Variants in FRMD4A observed in about 807,000 individuals in gnomAD.
FRMD4A encodes the protein FERM domain-containing protein 4A.
A neutral mutation model predicts 129.1 loss-of-function variants in FRMD4A; 29 were observed. The ratio of observed to expected loss-of-function variants is 0.22; its 90% confidence interval spans 0.17 to 0.31. The LOEUF (loss-of-function observed/expected upper bound fraction) is 0.31. FRMD4A is among the 10% of genes least tolerant of loss of function. The pLI, the probability that FRMD4A is intolerant of heterozygous loss-of-function variation, is 1.00. For synonymous variants in FRMD4A, 634 were observed against 571.6 expected, an observed-to-expected ratio of 1.11 and a Z score of -1.56; for missense variants, 1,272 against 1,375.8, an observed-to-expected ratio of 0.92 and a Z score of 1.19.
At chr10:14,189,023 C>A (rs1002626746) in intron 2 of FRMD4A, among the ~76,000 whole-genome samples, 5 of 152,206 alleles carry the variant, frequency 3.3e-5, no homozygotes, top group African/African-American at 1.2e-4. Context: ...GCTTAAGTTA[C>A]CTTGTGCTGT....
At chr10:13,801,235 G>A (rs2093247770) in intron 4 of FRMD4A, among the ~76,000 whole-genome samples, 2 of 151,738 alleles carry the variant, frequency 1.3e-5, no homozygotes, top group South Asian at 4.2e-4. Context: ...AACAGAGTGG[G>A]GCCCTGTCTC....
At chr10:14,300,113 A>G (rs952106550) in intron 2 of FRMD4A, among the ~76,000 whole-genome samples, 30 of 151,982 alleles carry the variant, frequency 2.0e-4, no homozygotes, top group African/African-American at 7.2e-4. Flanking sequence ...AAGGTATAAA[A>G]GCCCAATAGC....
At chr10:14,244,488 C>T (rs1844164188) in intron 2 of FRMD4A, among the ~76,000 whole-genome samples, 1 of 152,170 alleles carries the variant, frequency 6.6e-6, no homozygotes, top group South Asian at 2.1e-4. Context: ...CATGAGGAGT[C>T]ATGGTAGGCA....
chr10:14,184,973 T>C (rs991917849), intron 2 of FRMD4A, among the ~76,000 whole-genome samples: 2 of 151,456 alleles, frequency 1.3e-5, no homozygotes, highest in African/African-American at 2.4e-5. Context: ...TTTAGACAGT[T>C]ACACAATCAG....
intron 2 of FRMD4A, among the ~76,000 whole-genome samples, chr10:14,160,149 A>G (rs1011483246): frequency 2.0e-5 from 3 of 152,238 alleles, no homozygotes; most frequent in Non-Finnish European, 4.4e-5. Flanking sequence ...GAACCCAGAT[A>G]TAAATAAGTC....
chr10:14,106,605 T>A (rs985949046), intron 2 of FRMD4A, among the ~76,000 whole-genome samples: 4 of 152,244 alleles, frequency 2.6e-5, no homozygotes, highest in African/African-American at 7.2e-5. Context: ...GATAAAAATC[T>A]GGATCTCAAT....
intron 12 of FRMD4A, among the ~76,000 whole-genome samples, chr10:13,723,184 T>A (rs2089600930): frequency 6.6e-6 from 1 of 152,198 alleles, no homozygotes; most frequent in Admixed American, 6.5e-5. Flanking sequence ...GTCTCCAAGC[T>A]GGTTAGCTAG....
intron 2 of FRMD4A, among the ~76,000 whole-genome samples, chr10:14,055,944 T>C (rs1296495577): frequency 6.6e-6 from 1 of 151,724 alleles, no homozygotes; most frequent in Non-Finnish European, 1.5e-5. Flanking sequence ...TTCTCTCTCT[T>C]TTTTTTTTGA....
intron 2 of FRMD4A, among the ~76,000 whole-genome samples, chr10:13,956,547 C>T (rs1257303236): frequency 1.3e-5 from 2 of 152,210 alleles, no homozygotes; most frequent in Non-Finnish European, 2.9e-5. Context: ...CTTGCCAAGT[C>T]CATGCACGGG....
At chr10:14,078,018 G>A (rs1191831620) in intron 2 of FRMD4A, among the ~76,000 whole-genome samples, 12 of 152,170 alleles carry the variant, frequency 7.9e-5, no homozygotes, top group Admixed American at 7.2e-4. Flanking sequence ...ATTACATGAT[G>A]GTGGACAATT....
At chr10:13,834,009 G>A (rs887476986) in intron 3 of FRMD4A, among the ~76,000 whole-genome samples, 1 of 152,114 alleles carries the variant, frequency 6.6e-6, no homozygotes, top group Non-Finnish European at 1.5e-5. Context: ...TGTAATCCCA[G>A]GACTTTGGGA....
intron 2 of FRMD4A, among the ~76,000 whole-genome samples, chr10:14,038,025 T>C (rs1467698254): frequency 2.6e-5 from 4 of 152,184 alleles, no homozygotes; most frequent in African/African-American, 9.6e-5. Flanking sequence ...GAAGTCCACA[T>C]TTAAAGGCAA....
At chr10:14,049,655 G>T (rs1834164827) in intron 2 of FRMD4A, among the ~76,000 whole-genome samples, 1 of 152,194 alleles carries the variant, frequency 6.6e-6, no homozygotes, top group African/African-American at 2.4e-5. Flanking sequence ...AGGAGTTTGA[G>T]ACCAGCCTGG....
At chr10:13,975,165 A>T in intron 2 of FRMD4A, among the ~76,000 whole-genome samples, 1 of 139,022 alleles carries the variant, frequency 7.2e-6, no homozygotes, top group Admixed American at 7.1e-5. Context: ...TGTGTCTGTG[A>T]GTCTGTCTTT....
chr10:13,699,043 T>C (rs61036064), intron 14 of FRMD4A, among the ~76,000 whole-genome samples: 3,395 of 142,778 alleles, frequency 0.024, 133 homozygotes, highest in African/African-American at 0.083. Context: ...TGCTAATTTA[T>C]CTACAATAAT....
intron 2 of FRMD4A, among the ~76,000 whole-genome samples, chr10:13,919,830 C>T (rs564600204): frequency 1.4e-4 from 21 of 152,022 alleles, no homozygotes; most frequent in East Asian, 9.7e-4. Context: ...CCCAGCCATT[C>T]GGGAGGCTGA....
rs1305975447 is a variant in FRMD4A, at chr10:13,957,055, G to A, written c.46-98143C>T. Reference sequence around the variant, plus strand: ...ATTGGCTTAGAAAGTCGTGAAAGGCGTCAGTGGCTCTGAACCACGGGGAAA... The same window carrying A: ...ATTGGCTTAGAAAGTCGTGAAAGGCATCAGTGGCTCTGAACCACGGGGAAA... On this transcript the variant is annotated intron_variant, in intron 2 of 24. Coordinates refer to ENST00000357447, the MANE Select transcript of FRMD4A (RefSeq NM_018027.5). 2.0e-5 allele frequency among the ~76,000 whole-genome samples: 3 copies of A among 152,192 alleles called. No individual in the cohort carries two copies. The East Asian group carries it at 5.8e-4, about 29-fold the overall frequency.
chr10:13,891,413 G>C (rs545524918), intron 2 of FRMD4A, among the ~76,000 whole-genome samples: 2 of 152,158 alleles, frequency 1.3e-5, no homozygotes, highest in Admixed American at 1.3e-4. Context: ...TGTGTGTGCC[G>C]AGGGGAGGGT....
chr10:13,887,271 T>C (rs1442292956), intron 2 of FRMD4A, among the ~76,000 whole-genome samples: 1 of 152,220 alleles, frequency 6.6e-6, no homozygotes, highest in Admixed American at 6.5e-5. Context: ...TCCCCCATAG[T>C]CCTCTATTAC....
Sources: gnomAD v4.1 joint callset for allele counts (sites outside exome capture counted in the v4.1 genomes callset) on GRCh38, gnomAD v4.1.1 for gene constraint, MANE v1.5 for transcripts, NCBI Gene and HGNC (gene_info 2026-07-23, HGNC 2026-07-21) for gene names.